HDLBP: variants seen among roughly 807,000 people sequenced by gnomAD.
HDLBP encodes the protein vigilin.
HDLBP carries 30 observed loss-of-function variants against 137.3 expected under a neutral mutation model. The observed-to-expected ratio is 0.22, with a 90% CI of 0.16 to 0.30. HDLBP has a LOEUF of 0.30. Ranked by LOEUF, HDLBP falls within the 10% of genes least tolerant of loss-of-function variation. The probability of loss-of-function intolerance (pLI) is 1.00; values close to 1 mark genes in which losing one functional copy is unlikely to be tolerated. For missense variants in HDLBP, 1,119 were observed against 1,667.3 expected (o/e 0.67, Z 5.73); for synonymous variants, 606 against 596.0 (o/e 1.02, Z -0.24).
rs372905037 is a variant in HDLBP, at chr2:241,247,988, G to A, written c.1731+15C>T. The A allele has an allele frequency of 1.6e-4, 256 of 1,580,824 alleles. No individual in the cohort carries two copies. The highest frequency in any genetic ancestry group is 3.8e-4 in the Admixed American group (23 of 59,976). On this transcript the variant is annotated intron_variant, in intron 14 of 27. Coordinates refer to ENST00000310931, the MANE Select transcript of HDLBP (RefSeq NM_005336.6). ...CAGGTGCTGTCATACAAGAAAGGAT[G>A]TGAAACACCCCTACCAGATCTGCCA...
intron 1 of HDLBP, chr2:241,302,774 C>G (rs959278340): frequency 4.6e-5 from 7 of 152,276 alleles, no homozygotes; most frequent in Non-Finnish European, 8.8e-5. Context: ...ACATGTAAAT[C>G]TCCTACTAGG....
intron 17 of HDLBP, among the ~76,000 whole-genome samples, chr2:241,241,566 CAAAAAAAAAAAAAAAAAAAA>C (rs56864201): frequency 2.7e-3 from 86 of 31,472 alleles, no homozygotes; most frequent in African/African-American, 7.0e-3. Context: ...GACTCCGTCT[CAAAAAAAAAAAAAAAAAAAA>C]AAAAAAAAAA....
Position 241,236,699 on chromosome 2 carries a change from A to C in HDLBP, c.2820T>G (p.Cys940Trp). The C allele has an allele frequency of 6.2e-7, 1 of 1,614,112 alleles. No homozygotes were observed. Among genetic ancestry groups the C allele is most frequent in the Non-Finnish European group, 8.5e-7 (1 of 1,179,998 alleles). ...EAGEGREAKD[C>W]DPGSPRRCDI... ...CACACCTCCTTGGAGAGCCGGGGTC[A>C]CAATCTTTAGCCTCTCTCCCCTCCC... The change falls in exon 21 of 28, where the codon TGT (cysteine) becomes TGG (tryptophan). Residue 940 changes from cysteine (C) to tryptophan (W), a missense_variant. By Grantham distance (215) the Cys-to-Trp change is radical. Around this residue, in one of 4 missense-constraint regions of HDLBP, gnomAD observed 618 missense variants for 816.7 expected, o/e 0.76. Coordinates refer to ENST00000310931, the MANE Select transcript of HDLBP (RefSeq NM_005336.6).
At chr2:241,261,370 A>G (rs764618222) in intron 5 of HDLBP, among the ~76,000 whole-genome samples, 1 of 152,202 alleles carries the variant, frequency 6.6e-6, no homozygotes, top group Non-Finnish European at 1.5e-5. Context: ...TGGGTTAAAA[A>G]GGTATAATAT....
intron 5 of HDLBP, among the ~76,000 whole-genome samples, chr2:241,260,931 C>A (rs551995809): frequency 6.6e-6 from 1 of 152,254 alleles, no homozygotes; most frequent in South Asian, 2.1e-4. Context: ...TGGCTCACAC[C>A]TGTAATTCCA....
chr2:241,244,520 G>A (rs1320270544), intron 16 of HDLBP, among the ~76,000 whole-genome samples: 1 of 152,114 alleles, frequency 6.6e-6, no homozygotes, highest in Non-Finnish European at 1.5e-5. Flanking sequence ...AACAACAGGA[G>A]ACGGCAATGA....
rs866468133 is a variant in HDLBP, at chr2:241,260,092, C to T, written c.450+2619G>A. 2.0e-5 allele frequency among the ~76,000 whole-genome samples: 3 copies of T among 152,142 alleles called. 1 individual carries two copies. In the South Asian group the frequency reaches 6.2e-4, roughly 31 times the overall value. On this transcript the variant is annotated intron_variant, in intron 5 of 27. Coordinates refer to ENST00000310931, the MANE Select transcript of HDLBP (RefSeq NM_005336.6). ...GATCTTGGCTCACTGCAACCTCTGC[C>T]TCCCGGGTTCAAGTGATTCTCCTGC...
rs183774746 is a variant in HDLBP at position 241,273,752 on chromosome 2, T to G, written c.-102-5211A>C. ...GGCACACCCAGCCTTACCCAGGGAATGGGGTCAGGTCCGCACAGCCTGCAG... is the reference window on the plus strand; with the variant it reads ...GGCACACCCAGCCTTACCCAGGGAAGGGGGTCAGGTCCGCACAGCCTGCAG... On this transcript the variant is annotated intron_variant, in intron 1 of 27. Transcript: ENST00000310931. 2.7e-4 allele frequency: 219 copies of G among 801,912 alleles called. 1 individual carries two copies. Among genetic ancestry groups the G allele is most frequent in the Non-Finnish European group, 3.5e-5 (23 of 662,574 alleles). The allele number at this position is 801,912 out of a possible 1,614,324, so 49.7% of individuals were successfully genotyped here. A position where few individuals can be genotyped will look rare whatever the true frequency, so the allele number is the denominator to read the frequency against.
chr2:241,250,062 A>T, intron 11 of HDLBP, 82 bp from the exon 12 acceptor site: 1 of 1,349,716 alleles, frequency 7.4e-7, no homozygotes, highest in Non-Finnish European at 1.0e-6. Flanking sequence ...GACAGCGCTA[A>T]AGCGCTAAAT....
chr2:241,235,892 C>T (rs6437248), intron 21 of HDLBP, among the ~76,000 whole-genome samples: 127,030 of 151,936 alleles, frequency 0.84, 53,459 homozygotes, highest in East Asian at 0.95. Context: ...GGCACATCCT[C>T]GGGGTCATGA....
intron 1 of HDLBP, among the ~76,000 whole-genome samples, chr2:241,305,862 G>A (rs1240441099): frequency 6.7e-6 from 1 of 150,180 alleles, no homozygotes; most frequent in Non-Finnish European, 1.5e-5. Flanking sequence ...CCGGGTTCAC[G>A]CCATTCTCCT....
rs2069627704 is a variant in HDLBP, at chr2:241,230,633, A to G, written c.3474+126T>C. 1 of 824,098 alleles carries G rather than the reference A, an allele frequency of 1.2e-6. No individual in the cohort carries two copies. Among genetic ancestry groups the G allele is most frequent in the African/African-American group, 1.7e-5 (1 of 59,180 alleles). The allele number at this position is 824,098 out of a possible 1,614,324, so 51.0% of individuals were successfully genotyped here. A position where few individuals can be genotyped will look rare whatever the true frequency, so the allele number is the denominator to read the frequency against. ...CCGTGGTGTCCATGAGGACAGTTCC[A>G]CTGCCAGCCCTGGGGTTGTGGCCTC... is the stretch of plus-strand genomic sequence containing the variant. On this transcript the variant is annotated intron_variant, in intron 25 of 27. Transcript: ENST00000310931. The surrounding 1 kb of genome is among the most constrained non-coding windows in gnomAD (Gnocchi z 5.0).
In HDLBP at chr2:241,233,417, C is replaced by T. The variant is rs1204948184; in HGVS notation, c.3288+403G>A. ...CATCTGGCAAGCACAACGGTGTTTG[C>T]AGCTGGGGCTGCAGAGAAATGTCCA... On this transcript the variant is annotated intron_variant, in intron 24 of 27. Transcript: ENST00000310931. This position sits in a 1 kb window ranked among gnomAD's most constrained non-coding sequence, Gnocchi z 4.3. 3.3e-5 allele frequency among the ~76,000 whole-genome samples: 5 copies of T among 152,138 alleles called. No homozygotes were observed. Among genetic ancestry groups the T allele is most frequent in the African/African-American group, 7.2e-5 (3 of 41,430 alleles).
rs1048898318 is a variant in HDLBP at position 241,272,248 on chromosome 2, C to T, written c.-102-3707G>A. ...GTCTGCGCCCAGACCCCCGCCCCGCCGCCACCTGGGGGGAAGGACCCCGCT... is the reference window on the plus strand; with the variant it reads ...GTCTGCGCCCAGACCCCCGCCCCGCTGCCACCTGGGGGGAAGGACCCCGCT... On this transcript the variant is annotated intron_variant, in intron 1 of 27. Transcript: ENST00000310931. The surrounding 1 kb of genome is among the most constrained non-coding windows in gnomAD (Gnocchi z 5.6). 4 of 966,366 alleles carry T rather than the reference C, an allele frequency of 4.1e-6. No individual in the cohort carries two copies. The highest frequency in any genetic ancestry group is 1.8e-5 in the African/African-American group (1 of 56,816). The allele number at this position is 966,366 out of a possible 1,614,324, so 59.9% of individuals were successfully genotyped here.
intron 1 of HDLBP, among the ~76,000 whole-genome samples, chr2:241,270,339 C>T (rs1472293919): frequency 1.3e-5 from 2 of 152,212 alleles, no homozygotes; most frequent in Admixed American, 6.5e-5. Context: ...ACTGGTTTGA[C>T]AGGCTATACT....
intron 1 of HDLBP, among the ~76,000 whole-genome samples, chr2:241,284,468 C>T (rs1400442684): frequency 6.6e-6 from 1 of 152,170 alleles, no homozygotes; most frequent in African/African-American, 2.4e-5. Context: ...TATGGATGAG[C>T]AGAGAAAGTG....
At chr2:241,292,800 T>C (rs972432393) in intron 1 of HDLBP, among the ~76,000 whole-genome samples, 15 of 152,144 alleles carry the variant, frequency 9.9e-5, no homozygotes, top group Admixed American at 7.9e-4. Flanking sequence ...TTTGAAGTTT[T>C]CCCAACAAGG....
At chr2:241,243,519 C>T (rs1438760798) in intron 16 of HDLBP, 1 of 152,910 alleles carries the variant, frequency 6.5e-6, no homozygotes, top group Non-Finnish European at 1.5e-5. Context: ...GAAACAGTGC[C>T]TGCAGCTCAG....
chr2:241,279,561 G>A (rs1008879182), intron 1 of HDLBP, among the ~76,000 whole-genome samples: 1 of 152,110 alleles, frequency 6.6e-6, no homozygotes, highest in Admixed American at 6.6e-5. Context: ...TGGGCCCAAC[G>A]CAGACACCAC....
Sources: allele counts gnomAD v4.1 joint callset (sites outside exome capture counted in the v4.1 genomes callset), GRCh38; gene constraint gnomAD v4.1.1; regional missense constraint gnomAD v4.1.1; non-coding constraint Gnocchi (gnomAD v3.1); transcripts MANE v1.5; gene names NCBI Gene and HGNC (gene_info 2026-07-23, HGNC 2026-07-21).